Variants in ERI3 observed in about 807,000 individuals in gnomAD.
The protein encoded by ERI3 is ERI1 exoribonuclease 3.
In ERI3, 18 loss-of-function variants were observed where a neutral mutation model predicts 44.4. The observed-to-expected ratio is 0.41, with a 90% confidence interval of 0.28 to 0.60. ERI3 has a LOEUF of 0.60. Ranked by LOEUF, ERI3 falls within the 20% of genes least tolerant of loss-of-function variation. The probability of loss-of-function intolerance (pLI) is 0.36; values close to 1 mark genes in which losing one functional copy is unlikely to be tolerated. For synonymous variants in ERI3, 183 were observed against 164.8 expected (o/e 1.11, Z -0.84); for missense variants, 294 against 435.5 (o/e 0.68, Z 2.89).
chr1:44,313,261 A>C, intron 4 of ERI3, 33 bp from the exon 5 acceptor site: 1 of 1,609,130 alleles, frequency 6.2e-7, no homozygotes, highest in Non-Finnish European at 8.5e-7. Flanking sequence ...GATGGGTAGA[A>C]AACCAGGGTG....
chr1:44,260,844 G>A (rs1439553875), intron 7 of ERI3, among the ~76,000 whole-genome samples: 1 of 146,902 alleles, frequency 6.8e-6, no homozygotes, highest in Non-Finnish European at 1.5e-5. Context: ...AATCCTGTCT[G>A]CTAGGACACT....
chr1:44,293,741 G>C (rs985947231), intron 6 of ERI3, among the ~76,000 whole-genome samples: 2 of 152,222 alleles, frequency 1.3e-5, no homozygotes, highest in African/African-American at 2.4e-5. Flanking sequence ...CATTCTAAAA[G>C]CCCTGTTCTT....
chr1:44,242,886 C>A (rs1644470691), intron 8 of ERI3, among the ~76,000 whole-genome samples: 1 of 152,226 alleles, frequency 6.6e-6, no homozygotes, highest in Admixed American at 6.5e-5. Context: ...CCGCACCCCC[C>A]TCAACGAGGA....
intron 7 of ERI3, among the ~76,000 whole-genome samples, chr1:44,270,416 T>C (rs1645067111): frequency 6.6e-6 from 1 of 152,100 alleles, no homozygotes; most frequent in South Asian, 2.1e-4. Context: ...GACCAGCCCA[T>C]ACACAATAAC....
At chr1:44,304,622 G>A (rs557297144) in intron 6 of ERI3, among the ~76,000 whole-genome samples, 22 of 152,244 alleles carry the variant, frequency 1.4e-4, no homozygotes, top group Non-Finnish European at 2.5e-4. Context: ...GCCCAGGTGC[G>A]TGGTTCCATC....
At chr1:44,322,052 G>A (rs1285959772) in intron 3 of ERI3, among the ~76,000 whole-genome samples, 1 of 152,108 alleles carries the variant, frequency 6.6e-6, no homozygotes, top group Non-Finnish European at 1.5e-5. Flanking sequence ...ATGGCTTAAA[G>A]TTGATCTCTT....
At chr1:44,340,255 T>C (rs901355358) in intron 2 of ERI3, among the ~76,000 whole-genome samples, 3 of 151,912 alleles carry the variant, frequency 2.0e-5, no homozygotes, top group Non-Finnish European at 4.4e-5. Context: ...AATCAAAGCC[T>C]AAGTTTTACT....
intron 5 of ERI3, among the ~76,000 whole-genome samples, chr1:44,312,619 T>C (rs564190665): frequency 2.0e-5 from 3 of 152,374 alleles, no homozygotes; most frequent in Non-Finnish European, 4.4e-5. Context: ...TTAGGAATCA[T>C]TACCCAGTGC....
chr1:44,312,600 T>C (rs1483904998), intron 5 of ERI3, among the ~76,000 whole-genome samples: 2 of 152,236 alleles, frequency 1.3e-5, no homozygotes, highest in Non-Finnish European at 2.9e-5. Flanking sequence ...ATTGTTGTAA[T>C]TATTCTGATT....
chr1:44,291,862 G>A (rs533075486), intron 6 of ERI3, among the ~76,000 whole-genome samples: 212 of 152,294 alleles, frequency 1.4e-3, no homozygotes, highest in African/African-American at 4.9e-3. Flanking sequence ...GATGGAGAAG[G>A]CACCTTGGGA....
intron 8 of ERI3, among the ~76,000 whole-genome samples, chr1:44,232,060 T>C (rs1644197551): frequency 6.6e-6 from 1 of 152,222 alleles, no homozygotes; most frequent in African/African-American, 2.4e-5. Context: ...TATGCTGAAT[T>C]AACCGACCTT....
chr1:44,282,696 T>C (rs1352149614), intron 7 of ERI3, among the ~76,000 whole-genome samples: 1 of 152,152 alleles, frequency 6.6e-6, no homozygotes, highest in African/African-American at 2.4e-5. Flanking sequence ...TTTAAGCACA[T>C]TTGCAATACA....
intron 2 of ERI3, 29 bp downstream of exon 2, chr1:44,352,821 C>T (rs1174608475): frequency 1.2e-6 from 2 of 1,613,738 alleles, no homozygotes; most frequent in Non-Finnish European, 1.7e-6. Context: ...AAAATAAAGC[C>T]AGACTTGACC....
At chr1:44,333,887 T>G (rs1572308850) in intron 3 of ERI3, among the ~76,000 whole-genome samples, 1 of 152,162 alleles carries the variant, frequency 6.6e-6, no homozygotes, top group East Asian at 1.9e-4. Flanking sequence ...TTACTCATAG[T>G]TCTAACTCAA....
intron 2 of ERI3, among the ~76,000 whole-genome samples, chr1:44,345,825 G>A (rs1384189309): frequency 6.6e-6 from 1 of 152,210 alleles, no homozygotes; most frequent in Non-Finnish European, 1.5e-5. Context: ...CAGGGAAAAT[G>A]AGATTAGAAA....
chr1:44,351,225 G>C (rs1019064443), intron 2 of ERI3, among the ~76,000 whole-genome samples: 1 of 151,912 alleles, frequency 6.6e-6, no homozygotes, highest in African/African-American at 2.4e-5. Flanking sequence ...GTAGAGACAG[G>C]GTTTCAACAT....
chr1:44,330,411 A>C (rs1384152557), intron 3 of ERI3, among the ~76,000 whole-genome samples: 1 of 152,186 alleles, frequency 6.6e-6, no homozygotes, highest in African/African-American at 2.4e-5. Flanking sequence ...GGCCAACTAC[A>C]TGCAGGGACA....
At chr1:44,354,210 C>T (rs1174822207) in intron 1 of ERI3, 4 of 985,256 alleles carry the variant, frequency 4.1e-6, no homozygotes, top group Admixed American at 6.1e-5. Flanking sequence ...GCTGCCCTTC[C>T]GCTGGGAGAC....
intron 7 of ERI3, among the ~76,000 whole-genome samples, chr1:44,273,804 C>G (rs1645130941): frequency 6.6e-6 from 1 of 152,044 alleles, no homozygotes; most frequent in Non-Finnish European, 1.5e-5. Context: ...TCCCAACACA[C>G]TAAAAGGGGA....
Sources: allele counts gnomAD v4.1 joint callset (sites outside exome capture counted in the v4.1 genomes callset), GRCh38; gene constraint gnomAD v4.1.1; transcripts MANE v1.5; gene names NCBI Gene and HGNC (gene_info 2026-07-23, HGNC 2026-07-21).